The following MAF variants were observed in gnomAD, a reference collection of about 807,000 sequenced individuals.
MAF encodes the protein transcription factor Maf.
Under a neutral mutation model 22.0 loss-of-function variants are expected in MAF, and 10 were observed. That is an observed-to-expected ratio of 0.45 (90% CI 0.28 to 0.77). MAF has a LOEUF of 0.77. Ranked by LOEUF, MAF falls within the 30% of genes least tolerant of loss-of-function variation. The pLI, the probability that MAF is intolerant of heterozygous loss-of-function variation, is 0.12. For synonymous variants in MAF, 337 were observed against 255.8 expected (o/e 1.32, Z -3.03); for missense variants, 544 against 548.4 (o/e 0.99, Z 0.08).
the MAF span, among the ~76,000 whole-genome samples, chr16:79,453,069 C>G: frequency 1.3e-5 from 2 of 152,144 alleles, no homozygotes; most frequent in African/African-American, 4.8e-5. Flanking sequence ...ATAGAAGTCC[C>G]TTCTCTAGGT....
chr16:79,595,459 G>A lies in MAF; in HGVS notation c.1119-906C>T, dbSNP rs190926816. Reference sequence around the variant, plus strand: ...CAGAAAACAAAACAAAAGTCATCGTGTTTGGCTGTATTTTCAAAACAGTGC... The same window carrying A: ...CAGAAAACAAAACAAAAGTCATCGTATTTGGCTGTATTTTCAAAACAGTGC... On this transcript the variant is annotated intron_variant, in intron 1 of 1. Coordinates refer to ENST00000326043, the MANE Select transcript of MAF (RefSeq NM_005360.5). The A allele has an allele frequency of 3.8e-5, 40 of 1,058,082 alleles. No individual in the cohort carries two copies. In the African/African-American group the frequency reaches 6.1e-4, roughly 16 times the overall value. 65.5% of individuals were successfully genotyped at this position (1,058,082 alleles called of 1,614,324 possible).
the MAF span, among the ~76,000 whole-genome samples, chr16:79,480,721 G>C: frequency 6.6e-6 from 1 of 152,204 alleles, no homozygotes; most frequent in Non-Finnish European, 1.5e-5. Context: ...TGGGGTCAGA[G>C]TACCATGAAC....
chr16:79,334,906 G>C, the MAF span, among the ~76,000 whole-genome samples: 1 of 151,538 alleles, frequency 6.6e-6, no homozygotes, highest in Non-Finnish European at 1.5e-5. Flanking sequence ...ATACATAGAG[G>C]CTGGGTGCAG....
chr16:79,432,970 G>C, the MAF span, among the ~76,000 whole-genome samples: 52 of 152,230 alleles, frequency 3.4e-4, no homozygotes, highest in Admixed American at 3.3e-3. Flanking sequence ...AAGCTACCTG[G>C]TTTGCAGTAT....
chr16:79,534,898 C>T, the MAF span, among the ~76,000 whole-genome samples: 1 of 152,202 alleles, frequency 6.6e-6, no homozygotes, highest in African/African-American at 2.4e-5. Context: ...TGTGGGCCAA[C>T]CGCTTCATCT....
chr16:79,281,813 C>T, the MAF span, among the ~76,000 whole-genome samples: 1 of 152,030 alleles, frequency 6.6e-6, no homozygotes, highest in African/African-American at 2.4e-5. Flanking sequence ...CTAAAGTGCT[C>T]ATCGGAAAAT....
At chr16:79,404,761 C>T in the MAF span, among the ~76,000 whole-genome samples, 22,171 of 152,080 alleles carry the variant, frequency 0.15, 1,789 homozygotes, top group South Asian at 0.26. Context: ...AAATCTCAGA[C>T]TGACATAGGC....
At chr16:79,467,291 C>T in the MAF span, among the ~76,000 whole-genome samples, 1 of 152,176 alleles carries the variant, frequency 6.6e-6, no homozygotes, top group Non-Finnish European at 1.5e-5. Flanking sequence ...CTGCCTCAAT[C>T]ATACAGTCAC....
chr16:79,336,366 A>T, the MAF span, among the ~76,000 whole-genome samples: 1 of 152,236 alleles, frequency 6.6e-6, no homozygotes, highest in Admixed American at 6.5e-5. Flanking sequence ...CAACTTGCCC[A>T]AGGTCACATA....
At chr16:79,313,157 G>C in the MAF span, among the ~76,000 whole-genome samples, 1 of 152,166 alleles carries the variant, frequency 6.6e-6, no homozygotes, top group African/African-American at 2.4e-5. Flanking sequence ...TGCCATGTCT[G>C]GGAAGTGATC....
the MAF span, among the ~76,000 whole-genome samples, chr16:79,260,377 C>A: frequency 6.6e-6 from 1 of 152,240 alleles, no homozygotes; most frequent in South Asian, 2.1e-4. Flanking sequence ...GTCTTGAAAT[C>A]CTGGGATCCA....
chr16:79,421,282 G>T, the MAF span, among the ~76,000 whole-genome samples: 1 of 152,160 alleles, frequency 6.6e-6, no homozygotes, highest in Non-Finnish European at 1.5e-5. Context: ...TGCAGTCTAT[G>T]GGACTGACAA....
the MAF span, among the ~76,000 whole-genome samples, chr16:79,301,430 C>G: frequency 6.6e-6 from 1 of 152,028 alleles, no homozygotes; most frequent in African/African-American, 2.4e-5. Flanking sequence ...TTTTTTCCCC[C>G]CATTTGAGGG....
At chr16:79,515,248 A>T in the MAF span, among the ~76,000 whole-genome samples, 1 of 152,200 alleles carries the variant, frequency 6.6e-6, no homozygotes, top group African/African-American at 2.4e-5. Context: ...GTAGTCCCTG[A>T]TAATTGTCTA....
chr16:79,397,867 T>C, the MAF span, among the ~76,000 whole-genome samples: 3 of 152,226 alleles, frequency 2.0e-5, no homozygotes, highest in Non-Finnish European at 2.9e-5. Context: ...CTGCTGATTC[T>C]ACCTACCTAA....
At chr16:79,335,568 G>A in the MAF span, among the ~76,000 whole-genome samples, 2 of 152,172 alleles carry the variant, frequency 1.3e-5, no homozygotes, top group African/African-American at 4.8e-5. Flanking sequence ...CCAGAGGCAG[G>A]TCGGGGGTCA....
At chr16:79,543,261 G>C in the MAF span, among the ~76,000 whole-genome samples, 1 of 152,222 alleles carries the variant, frequency 6.6e-6, no homozygotes, top group African/African-American at 2.4e-5. Context: ...CAGTATCTTG[G>C]AGACAGGCAA....
chr16:79,204,910 C>T, the MAF span: 5 of 152,350 alleles, frequency 3.3e-5, no homozygotes, highest in Non-Finnish European at 5.9e-5. Context: ...GCTGGCTTTC[C>T]AATTCATTCT....
the MAF span, among the ~76,000 whole-genome samples, chr16:79,434,217 G>T: frequency 9.2e-5 from 14 of 152,306 alleles, no homozygotes; most frequent in African/African-American, 3.1e-4. Flanking sequence ...CTGCAGTGAA[G>T]GTTAAATAAA....
Sources: allele counts gnomAD v4.1 joint callset (sites outside exome capture counted in the v4.1 genomes callset), GRCh38; gene constraint gnomAD v4.1.1; transcripts MANE v1.5; gene names NCBI Gene and HGNC (gene_info 2026-07-23, HGNC 2026-07-21).